The following RGS12 variants were observed in gnomAD, a reference collection of about 807,000 sequenced individuals.
RGS12 encodes regulator of G protein signaling 12.
Under a neutral mutation model 120.1 loss-of-function variants are expected in RGS12, and 66 were observed. The ratio of observed to expected loss-of-function variants is 0.55; its 90% CI spans 0.45 to 0.67. RGS12 has a LOEUF of 0.67. Ranked by LOEUF, RGS12 falls within the 30% of genes least tolerant of loss-of-function variation. The probability of loss-of-function intolerance (pLI) is 0.00; values close to 1 mark genes in which losing one functional copy is unlikely to be tolerated. For missense variants in RGS12, 1,859 were observed against 1,957.7 expected (o/e 0.95, Z 0.95); for synonymous variants, 827 against 804.7 (o/e 1.03, Z -0.47).
chr4:3,316,847 T>C lies in RGS12; in HGVS notation c.677T>C (p.Leu226Ser), dbSNP rs1415814852. ...GATTTTGCATTGGATGCAAGTATTT[T>C]AAACGTGGCGATGATCGTGGGCTAC... ...HDDFALDASI[L>S]NVAMIVGYLG... Residue 226 changes from leucine (L) to serine (S), a missense_variant, in exon 2 of 18, where the codon TTA becomes TCA. By Grantham distance (145) the Leu-to-Ser change is moderately radical. Transcript: ENST00000336727. The C allele has an allele frequency of 3.7e-6, 6 of 1,614,186 alleles. No homozygotes were observed. Among genetic ancestry groups the C allele is most frequent in the Non-Finnish European group, 4.2e-6 (5 of 1,180,022 alleles).
rs377542444 is a variant in RGS12 at position 3,415,950 on chromosome 4, C to G, written c.2284-28C>G. 12 of 1,585,826 alleles carry G rather than the reference C, an allele frequency of 7.6e-6. No homozygotes were observed. The Admixed American group carries it at 1.2e-4, about 16-fold the overall frequency. On this transcript the variant is annotated intron_variant, in intron 6 of 17. Coordinates refer to ENST00000336727, the MANE Select transcript of RGS12 (RefSeq NM_001394154.1). ...GGAGTGCGGGGAGAGGAAGCCTTGC[C>G]GGGCTGCTCAGGTGCCTTTCCTGTC...
chr4:3,340,153 GTC>G (rs1245408681), intron 2 of RGS12, among the ~76,000 whole-genome samples: 6 of 152,370 alleles, frequency 3.9e-5, no homozygotes, highest in African/African-American at 1.4e-4. Flanking sequence ...TGGCCTCCGT[GTC>G]GTGTGTCTCA....
At chr4:3,347,845 A>G (rs1045896773) in intron 3 of RGS12, among the ~76,000 whole-genome samples, 1 of 152,234 alleles carries the variant, frequency 6.6e-6, no homozygotes, top group South Asian at 2.1e-4. Context: ...CTATTTCTGT[A>G]GCATACAACA....
At chr4:3,375,810 C>T (rs113478758) in intron 3 of RGS12, among the ~76,000 whole-genome samples, 40 of 152,364 alleles carry the variant, frequency 2.6e-4, no homozygotes, top group Admixed American at 1.3e-3. Context: ...AGCTGTGTTA[C>T]GCCAGTCCCT....
In RGS12 at chr4:3,428,139, A is replaced by T. The variant is rs138197161; in HGVS notation, c.3381A>T (p.Val1127=). 2.5e-5 allele frequency: 40 copies of T among 1,613,598 alleles called. No individual in the cohort carries two copies. The South Asian group carries it at 4.2e-4, about 17-fold the overall frequency. ...TGCCAGTGAAACAGAACACAGCTGTAAATTCCAGCTCCAGAAACCACTCGG... is the reference window on the plus strand; with the variant it reads ...TGCCAGTGAAACAGAACACAGCTGTTAATTCCAGCTCCAGAAACCACTCGG... ...KGVPVKQNTA[V]NSSSRNHSAT... Residue 1127 remains valine (V), a synonymous_variant, in exon 15 of 18, where the codon GTA becomes GTT. Coordinates refer to ENST00000336727, the MANE Select transcript of RGS12 (RefSeq NM_001394154.1).
chr4:3,324,345 C>A, intron 2 of RGS12: 1 of 172,350 alleles, frequency 5.8e-6, no homozygotes. Context: ...AAGGTTGTGA[C>A]AGTATCAACC....
At chr4:3,362,458 G>A (rs916879788) in intron 3 of RGS12, among the ~76,000 whole-genome samples, 3 of 147,104 alleles carry the variant, frequency 2.0e-5, no homozygotes, top group Admixed American at 6.9e-5. Context: ...GTGAGGGTGC[G>A]AGGGTGTGTG....
At chr4:3,299,562 A>G (rs115067692) in intron 1 of RGS12, among the ~76,000 whole-genome samples, 132 of 152,172 alleles carry the variant, frequency 8.7e-4, no homozygotes, top group Non-Finnish European at 1.6e-3. Context: ...GGAACTGTCA[A>G]TTTACGGACA....
intron 16 of RGS12, among the ~76,000 whole-genome samples, chr4:3,429,945 T>G (rs1724072592): frequency 6.6e-6 from 1 of 152,036 alleles, no homozygotes; most frequent in Admixed American, 6.5e-5. Context: ...CCTCCTCGGG[T>G]TCATTCTGCT....
chr4:3,428,398 C>G, intron 15 of RGS12, 160 bp from the exon 16 acceptor site: 1 of 778,658 alleles, frequency 1.3e-6, no homozygotes, highest in East Asian at 2.6e-5. Context: ...AAATGCTATT[C>G]TTGTTTGTAA....
chr4:3,371,469 G>GT (rs764286519), intron 3 of RGS12, among the ~76,000 whole-genome samples: 1 of 152,114 alleles, frequency 6.6e-6, no homozygotes, highest in Admixed American at 6.5e-5. Flanking sequence ...AGAAAATTTT[G>GT]TTTTTTTATT....
chr4:3,317,382 C>G lies in RGS12; in HGVS notation c.1212C>G (p.Ala404=). 1 of 1,614,114 alleles carries G rather than the reference C, an allele frequency of 6.2e-7. No homozygotes were observed. Among genetic ancestry groups the G allele is most frequent in the Non-Finnish European group, 8.5e-7 (1 of 1,180,042 alleles). The change falls in exon 2 of 18, where the codon GCC becomes GCG. Residue 404 remains alanine, a synonymous_variant. Coordinates refer to ENST00000336727, the MANE Select transcript of RGS12 (RefSeq NM_001394154.1). ...GELIEGMRAR[A]FLDGDADAHQ... Reference sequence around the variant, plus strand: ...TGATTGAGGGCATGCGGGCCCGCGCCTTTCTGGACGGGGACGCCGATGCCC... The same window carrying G: ...TGATTGAGGGCATGCGGGCCCGCGCGTTTCTGGACGGGGACGCCGATGCCC...
chr4:3,370,304 G>A (rs1018097089), intron 3 of RGS12: 21 of 1,614,028 alleles, frequency 1.3e-5, no homozygotes, highest in Non-Finnish European at 1.8e-5. Flanking sequence ...CGAAACCCAT[G>A]TTTCTAATGA....
chr4:3,325,833 G>A (rs190938844), intron 2 of RGS12, among the ~76,000 whole-genome samples: 2 of 152,220 alleles, frequency 1.3e-5, no homozygotes, highest in South Asian at 2.1e-4. Flanking sequence ...AAGATAATAC[G>A]CTATGATGTG....
chr4:3,317,092 G>T lies in RGS12; in HGVS notation c.922G>T (p.Asp308Tyr). The T allele has an allele frequency of 6.2e-7, 1 of 1,613,744 alleles. No individual in the cohort carries two copies. The highest frequency in any genetic ancestry group is 8.5e-7 in the Non-Finnish European group (1 of 1,180,044). ...GGCCTTCAGCGCCGTGTGCCCGGACGACCGGCGATTTTTCGGGTTGGTTAC... is the reference window on the plus strand; with the variant it reads ...GGCCTTCAGCGCCGTGTGCCCGGACTACCGGCGATTTTTCGGGTTGGTTAC... The part of the protein sequence containing the change: ...KLAFSAVCPD[D>Y]RRFFGLVTMQ... Residue 308 changes from aspartate (D) to tyrosine (Y), a missense_variant, in exon 2 of 18, where the codon GAC (aspartate) becomes TAC (tyrosine). Physicochemically the swap from Asp to Tyr is radical, Grantham distance 160. Coordinates refer to ENST00000336727, the MANE Select transcript of RGS12 (RefSeq NM_001394154.1).
intron 2 of RGS12, among the ~76,000 whole-genome samples, chr4:3,339,299 T>C (rs1712806147): frequency 6.6e-6 from 1 of 152,076 alleles, no homozygotes; most frequent in Non-Finnish European, 1.5e-5. Context: ...CTGGGCAACA[T>C]AGCAAGACCC....
chr4:3,400,677 A>T (rs200644308), intron 4 of RGS12, among the ~76,000 whole-genome samples: 1 of 149,248 alleles, frequency 6.7e-6, no homozygotes, highest in Non-Finnish European at 1.5e-5. Context: ...TTACTATTAG[A>T]ATTAGTATTA....
intron 2 of RGS12, among the ~76,000 whole-genome samples, chr4:3,340,762 A>AGGTGCAGGTC (rs1712983856): frequency 6.6e-6 from 1 of 150,906 alleles, no homozygotes; most frequent in African/African-American, 2.4e-5. Flanking sequence ...AGGTGCAGGC[A>AGGTGCAGGTC]GGTGCAGGCC....
chr4:3,394,808 C>T (rs568395062), intron 4 of RGS12, among the ~76,000 whole-genome samples: 1 of 152,146 alleles, frequency 6.6e-6, no homozygotes. Flanking sequence ...CCCCTGCAGG[C>T]CCTCAGTCAC....
Sources: allele counts gnomAD v4.1 joint callset (sites outside exome capture counted in the v4.1 genomes callset), GRCh38; gene constraint gnomAD v4.1.1; transcripts MANE v1.5; gene names NCBI Gene and HGNC (gene_info 2026-07-23, HGNC 2026-07-21).